The following CACNA1D variants were observed in gnomAD, a reference collection of about 807,000 sequenced individuals.
CACNA1D encodes the protein calcium voltage-gated channel subunit alpha1 D, also known as voltage-dependent L-type calcium channel subunit alpha-1D.
In CACNA1D, 55 loss-of-function variants were observed where a neutral mutation model predicts 257.1. The ratio of observed to expected loss-of-function variants is 0.21; its 90% CI spans 0.17 to 0.27. The LOEUF is 0.27. Ranked by LOEUF, CACNA1D falls within the 10% of genes least tolerant of loss-of-function variation. The pLI is 1.00. For synonymous variants in CACNA1D, 980 were observed against 1,014.9 expected, an observed-to-expected ratio of 0.97 and a Z score of 0.65; for missense variants, 1,876 against 2,784.0, an observed-to-expected ratio of 0.67 and a Z score of 7.34.
At chr3:53,687,959 C>T (rs751296769) in intron 8 of CACNA1D, among the ~76,000 whole-genome samples, 4 of 152,216 alleles carry the variant, frequency 2.6e-5, no homozygotes, top group Non-Finnish European at 4.4e-5. Flanking sequence ...TACAGAGCAA[C>T]TGATATGCTC....
intron 8 of CACNA1D, among the ~76,000 whole-genome samples, chr3:53,680,319 T>C (rs1430130105): frequency 1.3e-5 from 2 of 152,040 alleles, no homozygotes; most frequent in Non-Finnish European, 2.9e-5. Flanking sequence ...TTGTCAGCTG[T>C]GGCTATCATC....
Position 53,751,959 on chromosome 3 carries a change from CG to C in CACNA1D, c.3675+53del, listed in dbSNP as rs1559624803. On this transcript the variant is annotated intron_variant, in intron 28 of 47. Coordinates refer to ENST00000350061, the MANE Select transcript of CACNA1D (RefSeq NM_001128840.3). The surrounding 1 kb of genome is among the most constrained non-coding windows in gnomAD (Gnocchi z 4.3). ...CAGGTCCGGGCATTCCGCACAGCCC[CG>C]TGCCCCAAATGCTGAGGGTGGAATG... 14 of 1,568,450 alleles carry C rather than the reference CG, an allele frequency of 8.9e-6. No homozygotes were observed. The highest frequency in any genetic ancestry group is 1.1e-5 in the Non-Finnish European group (13 of 1,138,692).
intron 3 of CACNA1D, among the ~76,000 whole-genome samples, chr3:53,577,247 T>C (rs1471237339): frequency 6.6e-6 from 1 of 152,148 alleles, no homozygotes; most frequent in Non-Finnish European, 1.5e-5. Context: ...ACTCCCTCAG[T>C]TGCAAGTGAT....
At chr3:53,677,591 A>G (rs372833790) in intron 8 of CACNA1D, among the ~76,000 whole-genome samples, 2 of 152,094 alleles carry the variant, frequency 1.3e-5, no homozygotes, top group East Asian at 3.9e-4. Context: ...CATTTTCTGG[A>G]TTTCCCAGCA....
chr3:53,539,347 A>G (rs1454115744), intron 3 of CACNA1D, among the ~76,000 whole-genome samples: 3 of 151,992 alleles, frequency 2.0e-5, no homozygotes, highest in Admixed American at 2.0e-4. Flanking sequence ...TGACCTCGTG[A>G]TCTGCCCGCC....
At chr3:53,554,348 AT>A (rs1237761941) in intron 3 of CACNA1D, among the ~76,000 whole-genome samples, 2 of 152,200 alleles carry the variant, frequency 1.3e-5, no homozygotes. Context: ...AAAAATAGAA[AT>A]TGTGTCAGTA....
chr3:53,772,624 A>G (rs1010749434), intron 32 of CACNA1D, among the ~76,000 whole-genome samples: 17 of 152,230 alleles, frequency 1.1e-4, no homozygotes, highest in African/African-American at 3.9e-4. Context: ...ATATTGTAAC[A>G]CTGGGCGTGC....
In CACNA1D at chr3:53,808,965, GTGAC is replaced by G. The variant is rs978273479; in HGVS notation, c.5871+198_5871+201del. On this transcript the variant is annotated intron_variant, in intron 46 of 47. Coordinates refer to ENST00000350061, the MANE Select transcript of CACNA1D (RefSeq NM_001128840.3). ...TCCCATGCTGCCCAAGCTCACACAAGTGACTGCTGGCATTTGAATCCAGGGAGCC... is the reference window on the plus strand; with the variant it reads ...TCCCATGCTGCCCAAGCTCACACAAGTGCTGGCATTTGAATCCAGGGAGCC... 6.4e-6 allele frequency: 4 copies of G among 625,426 alleles called. No individual in the cohort carries two copies. The African/African-American group carries it at 7.4e-5, about 12-fold the overall frequency. 38.7% of individuals were successfully genotyped at this position (625,426 alleles called of 1,614,324 possible). A position where few individuals can be genotyped will look rare whatever the true frequency, so the allele number is the denominator to read the frequency against.
chr3:53,537,112 C>G (rs569346743), intron 3 of CACNA1D, among the ~76,000 whole-genome samples: 1 of 150,740 alleles, frequency 6.6e-6, no homozygotes, highest in East Asian at 1.9e-4. Context: ...AAAGCAAAAT[C>G]TCTCTCCTAC....
At chr3:53,615,239 A>G (rs529553680) in intron 3 of CACNA1D, among the ~76,000 whole-genome samples, 6 of 152,144 alleles carry the variant, frequency 3.9e-5, no homozygotes, top group African/African-American at 1.4e-4. Context: ...CAGGGGTTCA[A>G]ATCTTCAGTT....
At chr3:53,522,377 A>G (rs547182869) in intron 3 of CACNA1D, among the ~76,000 whole-genome samples, 2 of 152,294 alleles carry the variant, frequency 1.3e-5, no homozygotes, top group South Asian at 4.2e-4. Context: ...GCTTCCTAGC[A>G]AGCCCCCTAC....
At chr3:53,623,632 TTTTG>T (rs3836505) in intron 3 of CACNA1D, among the ~76,000 whole-genome samples, 60,899 of 151,834 alleles carry the variant, frequency 0.4, 12,651 homozygotes, top group Middle Eastern at 0.45. Context: ...CACAGTGCTA[TTTTG>T]TTTATCTTCT....
chr3:53,810,526 GC>G (rs1392912565), intron 47 of CACNA1D: 15 of 580,804 alleles, frequency 2.6e-5, no homozygotes, highest in Non-Finnish European at 4.7e-5. Flanking sequence ...GGAGGCCGAG[GC>G]GGGTGGATCA....
intron 3 of CACNA1D, among the ~76,000 whole-genome samples, chr3:53,528,714 A>C (rs1170296092): frequency 6.6e-6 from 1 of 152,206 alleles, no homozygotes; most frequent in African/African-American, 2.4e-5. Context: ...CAATGTTATT[A>C]GTATAGAGGT....
chr3:53,808,937 G>A (rs1576746859), intron 46 of CACNA1D, 167 bp downstream of exon 46: 1 of 717,818 alleles, frequency 1.4e-6, no homozygotes, highest in Non-Finnish European at 2.3e-6. Flanking sequence ...CTATGGCCAT[G>A]AGTCCCATGC....
At position 53,723,567 on chromosome 3, in the gene CACNA1D, T is replaced by C; in HGVS notation, c.1800T>C (p.Thr600=). 1 of 1,614,128 alleles carries C rather than the reference T, an allele frequency of 6.2e-7. No individual in the cohort carries two copies. The highest frequency in any genetic ancestry group is 8.5e-7 in the Non-Finnish European group (1 of 1,179,994). Residue 600 remains threonine (T), a synonymous_variant, in exon 13 of 48, where the codon ACT becomes ACC. Transcript: ENST00000350061. The surrounding 1 kb of genome is among the most constrained non-coding windows in gnomAD (Gnocchi z 5.6). ...GCTTCGTGGTGTGTGGTGGAATCACTGAGACGATCTTGGTGGAACTGGAAA... is the reference window on the plus strand; with the variant it reads ...GCTTCGTGGTGTGTGGTGGAATCACCGAGACGATCTTGGTGGAACTGGAAA... The part of the protein sequence containing the change: ...FDCFVVCGGI[T]ETILVELEIM...
At chr3:53,639,926 A>G (rs1194959432) in intron 3 of CACNA1D, among the ~76,000 whole-genome samples, 1 of 133,492 alleles carries the variant, frequency 7.5e-6, no homozygotes. Flanking sequence ...CAGCAGTGCT[A>G]TCTCGGCTCA....
intron 23 of CACNA1D, 120 bp from the exon 24 acceptor site, chr3:53,745,504 G>A: frequency 1.5e-6 from 1 of 688,002 alleles, no homozygotes; most frequent in African/African-American, 1.8e-5. Context: ...GCCTCCCAAA[G>A]TGCTGGGATT....
At position 53,495,358 on chromosome 3, in the gene CACNA1D, GTCGT is replaced by G; in HGVS notation, c.67+126_67+129del. 3 of 1,111,122 alleles carry G rather than the reference GTCGT, an allele frequency of 2.7e-6. No homozygotes were observed. The highest frequency in any genetic ancestry group is 4.1e-6 in the Non-Finnish European group (3 of 730,406). 68.8% of individuals were successfully genotyped at this position (1,111,122 alleles called of 1,614,324 possible). On this transcript the variant is annotated intron_variant, in intron 1 of 47. Transcript: ENST00000350061. This position sits in a 1 kb window ranked among gnomAD's most constrained non-coding sequence, Gnocchi z 5.1. ...TTGGAGAGGGTGCTGCCAGCTCGGT[GTCGT>G]CTACACAGAGAGGGGACATGCGTGA...
Sources: allele counts gnomAD v4.1 joint callset (sites outside exome capture counted in the v4.1 genomes callset), GRCh38; gene constraint gnomAD v4.1.1; non-coding constraint Gnocchi (gnomAD v3.1); transcripts MANE v1.5; gene names NCBI Gene and HGNC (gene_info 2026-07-23, HGNC 2026-07-21).